ITPR1: variants seen among roughly 807,000 people sequenced by gnomAD.
ITPR1 encodes the protein inositol 1,4,5-trisphosphate-gated calcium channel ITPR1.
In ITPR1, 96 loss-of-function variants were observed where a neutral mutation model predicts 318.4. The ratio of observed to expected loss-of-function variants is 0.30; its 90% confidence interval spans 0.26 to 0.36. The LOEUF is 0.36. Among genes scored for constraint, ITPR1 ranks in the 10% least tolerant of loss-of-function variants. ITPR1 has a pLI of 1.00. For missense variants in ITPR1, 2,440 were observed against 3,460.2 expected, an observed-to-expected ratio of 0.71 and a Z score of 7.40; for synonymous variants, 1,312 against 1,289.9, an observed-to-expected ratio of 1.02 and a Z score of -0.37.
chr3:4,500,498 T>A (rs1400736827), intron 2 of ITPR1, among the ~76,000 whole-genome samples: 1 of 151,196 alleles, frequency 6.6e-6, no homozygotes. Flanking sequence ...CCATCATGCC[T>A]GGCCAAAATG....
intron 2 of ITPR1, among the ~76,000 whole-genome samples, chr3:4,512,822 T>C (rs304046): frequency 0.36 from 54,717 of 151,940 alleles, 10,060 homozygotes; most frequent in Admixed American, 0.41. Flanking sequence ...AGAGAGGTTG[T>C]GGTGGGCTCC....
chr3:4,681,500 A>G lies in ITPR1; in HGVS notation c.3161+82A>G, dbSNP rs372950104. The G allele has an allele frequency of 2.6e-5, 25 of 944,364 alleles. No individual in the cohort carries two copies. The Middle Eastern group carries it at 8.4e-4, about 32-fold the overall frequency. The allele number at this position is 944,364 out of a possible 1,614,324, so 58.5% of individuals were successfully genotyped here. A position where few individuals can be genotyped will look rare whatever the true frequency, so the allele number is the denominator to read the frequency against. ...GAGGCCTTCCCTTTATTATGTTAGTAAATATTTAGTCTCTGGGCTTAGGTT... is the reference window on the plus strand; with the variant it reads ...GAGGCCTTCCCTTTATTATGTTAGTGAATATTTAGTCTCTGGGCTTAGGTT... On this transcript the variant is annotated intron_variant, in intron 26 of 61. Transcript: ENST00000649015.
chr3:4,812,237 C>T (rs1212733783), intron 56 of ITPR1, among the ~76,000 whole-genome samples: 2 of 152,060 alleles, frequency 1.3e-5, no homozygotes, highest in African/African-American at 4.8e-5. Context: ...AGGTTCTTGC[C>T]ATGTTGCCCA....
At chr3:4,578,657 T>A (rs2088953554) in intron 4 of ITPR1, among the ~76,000 whole-genome samples, 1 of 152,214 alleles carries the variant, frequency 6.6e-6, no homozygotes, top group African/African-American at 2.4e-5. Flanking sequence ...AGCCACGTGC[T>A]AAGTGCTCCT....
chr3:4,555,722 ATT>A, intron 4 of ITPR1, among the ~76,000 whole-genome samples: 2 of 152,320 alleles, frequency 1.3e-5, no homozygotes, highest in African/African-American at 2.4e-5. Flanking sequence ...AATTCAAACT[ATT>A]TATTTTTTAC....
At chr3:4,634,262 G>A (rs1051971130) in intron 5 of ITPR1, among the ~76,000 whole-genome samples, 1 of 151,682 alleles carries the variant, frequency 6.6e-6, no homozygotes, top group Non-Finnish European at 1.5e-5. Flanking sequence ...CACCCACGCT[G>A]GTGTGCAGTG....
intron 4 of ITPR1, among the ~76,000 whole-genome samples, chr3:4,576,067 CTAA>C (rs2088624776): frequency 6.6e-6 from 1 of 150,602 alleles, no homozygotes; most frequent in African/African-American, 2.4e-5. Context: ...GATTTATAGT[CTAA>C]TGAGGCACAA....
chr3:4,718,393 G>A (rs2041920337), intron 40 of ITPR1, among the ~76,000 whole-genome samples: 1 of 152,196 alleles, frequency 6.6e-6, no homozygotes, highest in Non-Finnish European at 1.5e-5. Flanking sequence ...AGAACATGCT[G>A]TCTACTCTAG....
At position 4,658,272 on chromosome 3, in the gene ITPR1, TC is replaced by T; in HGVS notation, c.1148del (p.Pro383GlnfsTer32). The T allele has an allele frequency of 6.2e-7, 1 of 1,607,184 alleles. No individual in the cohort carries two copies. ...PTTLRGGDSL[V>X]PRNSYVRLRH... ...ACTCTGCGTGGAGGTGACAGCCTTG[TC>T]CCAAGGTATCATTTTAAAATTGCTT... is the stretch of plus-strand genomic sequence containing the variant. On this transcript the variant is annotated frameshift_variant, in exon 13 of 62. Transcript: ENST00000649015. LOFTEE classifies it high-confidence loss of function.
chr3:4,617,938 T>C (rs1269569851), intron 4 of ITPR1, among the ~76,000 whole-genome samples: 4 of 149,572 alleles, frequency 2.7e-5, no homozygotes, highest in African/African-American at 9.9e-5. Flanking sequence ...TGAGCAATGA[T>C]GGTGCCACTG....
At chr3:4,644,113 T>C (rs1016268336) in intron 7 of ITPR1, 23 bp from the exon 8 acceptor site, 5 of 1,529,534 alleles carry the variant, frequency 3.3e-6, no homozygotes, top group East Asian at 2.3e-5. Flanking sequence ...TGTGCAAAGC[T>C]CTATTGCTCC....
At chr3:4,715,564 C>T (rs556776941) in intron 39 of ITPR1, among the ~76,000 whole-genome samples, 2 of 152,178 alleles carry the variant, frequency 1.3e-5, no homozygotes, top group East Asian at 3.8e-4. Context: ...TGTTCAAGAA[C>T]TATCATGGCC....
chr3:4,686,699 A>G (rs1663546224), intron 30 of ITPR1, among the ~76,000 whole-genome samples: 1 of 152,202 alleles, frequency 6.6e-6, no homozygotes, highest in Non-Finnish European at 1.5e-5. Context: ...CGGTGGAGGA[A>G]TCCCCCACAG....
At chr3:4,515,771 A>C (rs1168014102) in intron 2 of ITPR1, among the ~76,000 whole-genome samples, 1 of 152,036 alleles carries the variant, frequency 6.6e-6, no homozygotes, top group East Asian at 1.9e-4. Flanking sequence ...TGGGCAGGGA[A>C]CCTTATTATT....
At chr3:4,709,350 A>G (rs985211622) in intron 37 of ITPR1, among the ~76,000 whole-genome samples, 1 of 152,220 alleles carries the variant, frequency 6.6e-6, no homozygotes. Flanking sequence ...TCATCACCCA[A>G]ATTGTGTTAA....
intron 4 of ITPR1, 66 bp from the exon 5 acceptor site, chr3:4,627,697 T>G: frequency 2.2e-6 from 2 of 929,396 alleles, no homozygotes; most frequent in Non-Finnish European, 3.5e-6. Flanking sequence ...AAGCCTTTTT[T>G]TTTTCCTTAG....
At chr3:4,768,820 G>A (rs572238510) in intron 46 of ITPR1, 56 bp downstream of exon 46, 57 of 1,542,684 alleles carry the variant, frequency 3.7e-5, no homozygotes, top group Non-Finnish European at 4.4e-5. Flanking sequence ...GCCAAGGCCT[G>A]CCTTCCTCTG....
intron 40 of ITPR1, among the ~76,000 whole-genome samples, chr3:4,718,139 C>A (rs1191441336): frequency 3.3e-5 from 5 of 152,152 alleles, no homozygotes; most frequent in Non-Finnish European, 5.9e-5. Context: ...CTGTTTTGTG[C>A]ATTTCTTCAG....
chr3:4,780,679 G>C (rs1055450752), intron 49 of ITPR1, among the ~76,000 whole-genome samples: 2 of 152,212 alleles, frequency 1.3e-5, no homozygotes, highest in African/African-American at 4.8e-5. Context: ...GAGCAGCCCA[G>C]TTCTTTGATC....
Sources: allele counts gnomAD v4.1 joint callset (sites outside exome capture counted in the v4.1 genomes callset), GRCh38; gene constraint gnomAD v4.1.1; transcripts MANE v1.5; gene names NCBI Gene and HGNC (gene_info 2026-07-23, HGNC 2026-07-21).